The following CFAP20DC variants were observed in gnomAD, a reference collection of about 807,000 sequenced individuals.
The protein encoded by CFAP20DC is protein CFAP20DC.
A neutral mutation model predicts 101.7 loss-of-function variants in CFAP20DC; 84 were observed. That is an observed-to-expected ratio of 0.83 (90% CI 0.69 to 0.99). The LOEUF (loss-of-function observed/expected upper bound fraction) is 0.99, where lower values mean the gene tolerates loss of function less well. Ranked by LOEUF, CFAP20DC falls within the 50% of genes least tolerant of loss-of-function variation. The pLI is 0.00. For synonymous variants in CFAP20DC, 359 were observed against 351.2 expected (o/e 1.02, Z -0.25); for missense variants, 1,007 against 970.3 (o/e 1.04, Z -0.50).
chr3:58,999,539 A>G (rs1028936858), intron 4 of CFAP20DC, among the ~76,000 whole-genome samples: 6 of 152,158 alleles, frequency 3.9e-5, no homozygotes, highest in Non-Finnish European at 8.8e-5. Context: ...AACTAATACC[A>G]TAATGATGGT....
intron 7 of CFAP20DC, among the ~76,000 whole-genome samples, chr3:58,879,834 T>G (rs756601473): frequency 9.9e-5 from 15 of 152,104 alleles, no homozygotes; most frequent in Non-Finnish European, 1.9e-4. Context: ...TATCTCAAAA[T>G]TCATACTCAT....
At chr3:59,021,480 G>T (rs1490999419) in intron 4 of CFAP20DC, among the ~76,000 whole-genome samples, 1 of 151,978 alleles carries the variant, frequency 6.6e-6, no homozygotes, top group Non-Finnish European at 1.5e-5. Context: ...GGGTGTATCA[G>T]TCCATCTGCC....
intron 13 of CFAP20DC, among the ~76,000 whole-genome samples, chr3:58,841,732 A>G (rs540070256): frequency 1.2e-3 from 185 of 152,346 alleles, no homozygotes; most frequent in African/African-American, 4.3e-3. Flanking sequence ...TTCTTTTCCT[A>G]TTAAAAGTCA....
chr3:58,862,471 A>G, intron 12 of CFAP20DC: 1 of 985,448 alleles, frequency 1.0e-6, no homozygotes, highest in African/African-American at 1.7e-5. Flanking sequence ...GTTTGGTATG[A>G]CTAATTGTTT....
In CFAP20DC at chr3:58,864,330, G is replaced by T. The variant is rs916209712; in HGVS notation, c.1259-438C>A. On this transcript the variant is annotated intron_variant, in intron 11 of 16. Coordinates refer to ENST00000482387, the MANE Select transcript of CFAP20DC (RefSeq NM_001394063.1). The surrounding 1 kb of genome is among the most constrained non-coding windows in gnomAD (Gnocchi z 4.7). The stretch of plus-strand genomic sequence containing the variant: ...AAACAGATTTATCAAATAACGCAAA[G>T]CAAAGGAAGGCAATTTATAGACCAT... Among the ~76,000 whole-genome samples the T allele has an allele frequency of 2.6e-5, 4 of 152,202 alleles. No individual in the cohort carries two copies. The highest frequency in any genetic ancestry group is 9.6e-5 in the African/African-American group (4 of 41,456).
At chr3:58,749,717 T>A (rs1355842956) in intron 16 of CFAP20DC, among the ~76,000 whole-genome samples, 1 of 152,204 alleles carries the variant, frequency 6.6e-6, no homozygotes, top group Non-Finnish European at 1.5e-5. Context: ...GAGGTTATTA[T>A]TCCATTTTGG....
intron 15 of CFAP20DC, among the ~76,000 whole-genome samples, chr3:58,769,551 A>G (rs2070648930): frequency 6.6e-6 from 1 of 152,168 alleles, no homozygotes; most frequent in South Asian, 2.1e-4. Context: ...AAGATGGGAA[A>G]ATGGATGAGT....
chr3:58,738,185 TTTTTTAA>T (rs1357802458), downstream of CFAP20DC, among the ~76,000 whole-genome samples: 6 of 151,910 alleles, frequency 3.9e-5, no homozygotes, highest in East Asian at 5.8e-4. The surrounding 1 kb of genome is among the most constrained non-coding windows in gnomAD (Gnocchi z 4.4). Context: ...GCAATTCTTT[TTTTTTAA>T]TTTTTAAGTT....
chr3:58,949,801 C>T (rs2089874405), intron 4 of CFAP20DC, among the ~76,000 whole-genome samples: 1 of 152,124 alleles, frequency 6.6e-6, no homozygotes, highest in Non-Finnish European at 1.5e-5. Context: ...ATGACAAACC[C>T]ACAGCCAGTA....
chr3:58,948,167 G>A (rs1161969954), intron 4 of CFAP20DC, among the ~76,000 whole-genome samples: 1 of 152,240 alleles, frequency 6.6e-6, no homozygotes, highest in Admixed American at 6.5e-5. Flanking sequence ...GGACACTGGA[G>A]TGGACTGCCA....
intron 12 of CFAP20DC, among the ~76,000 whole-genome samples, chr3:58,851,515 A>G (rs2078230350): frequency 6.6e-6 from 1 of 152,146 alleles, no homozygotes; most frequent in Non-Finnish European, 1.5e-5. Flanking sequence ...AATGTAGTTG[A>G]GATTAGCAGA....
intron 15 of CFAP20DC, among the ~76,000 whole-genome samples, chr3:58,782,264 G>A (rs909602193): frequency 6.6e-6 from 1 of 151,744 alleles, no homozygotes; most frequent in African/African-American, 2.4e-5. Context: ...AACAAACTAG[G>A]CATAGAAATA....
chr3:58,754,671 A>G (rs1161176287), intron 15 of CFAP20DC, among the ~76,000 whole-genome samples: 1 of 152,150 alleles, frequency 6.6e-6, no homozygotes, highest in African/African-American at 2.4e-5. Context: ...GTATGTCTTT[A>G]TAACTAAATA....
chr3:59,018,844 T>C (rs1346140440), intron 4 of CFAP20DC: 1 of 152,112 alleles, frequency 6.6e-6, no homozygotes, highest in Non-Finnish European at 1.5e-5. Flanking sequence ...AACGTCTTTG[T>C]CCTTAGTAAA....
In CFAP20DC at chr3:58,863,417, A is replaced by T; in HGVS notation, c.1593+141T>A. The T allele has an allele frequency of 6.9e-7, 1 of 1,455,508 alleles. No homozygotes were observed. The highest frequency in any genetic ancestry group is 9.0e-7 in the Non-Finnish European group (1 of 1,109,268). 90.2% of individuals were successfully genotyped at this position (1,455,508 alleles called of 1,614,324 possible). On this transcript the variant is annotated intron_variant, in intron 12 of 16. Transcript: ENST00000482387. The surrounding 1 kb of genome is among the most constrained non-coding windows in gnomAD (Gnocchi z 5.9). ...AAAGTTACCATAACAACCTGATGCAACTGTGGACTGACATGGCAATCTGTT... is the reference window on the plus strand; with the variant it reads ...AAAGTTACCATAACAACCTGATGCATCTGTGGACTGACATGGCAATCTGTT...
chr3:58,743,622 C>T (rs1397598859), intron 16 of CFAP20DC, among the ~76,000 whole-genome samples: 1 of 152,176 alleles, frequency 6.6e-6, no homozygotes, highest in Non-Finnish European at 1.5e-5. Flanking sequence ...GGGTATGGTG[C>T]AGGGCTCACT....
chr3:58,855,405 C>G (rs1559714016), intron 12 of CFAP20DC, among the ~76,000 whole-genome samples: 1 of 152,114 alleles, frequency 6.6e-6, no homozygotes, highest in Admixed American at 6.5e-5. Flanking sequence ...TAAACTAGTT[C>G]AACCACTGTG....
intron 15 of CFAP20DC, among the ~76,000 whole-genome samples, chr3:58,769,936 A>T (rs1559565555): frequency 6.6e-6 from 1 of 152,188 alleles, no homozygotes; most frequent in African/African-American, 2.4e-5. Context: ...ATAAATCCAC[A>T]AAACAGAGAG....
In CFAP20DC at chr3:59,047,225, A is replaced by G; in HGVS notation, c.51T>C (p.Ala17=). The G allele has an allele frequency of 2.0e-6, 3 of 1,535,316 alleles. No homozygotes were observed. The highest frequency in any genetic ancestry group is 2.6e-6 in the Non-Finnish European group (3 of 1,146,278). ...ATTTTGCTCCAGGATTTTTTCCTTG[A>G]GCACTGAAAATTTCAACAAATGCAC... is the stretch of plus-strand genomic sequence containing the variant. The part of the protein sequence containing the change: ...QGGAFVEIFS[A]QGKNPGAKWK... The change falls in exon 2 of 17, where the codon GCT becomes GCC. Residue 17 remains alanine, a synonymous_variant. Coordinates refer to ENST00000482387, the MANE Select transcript of CFAP20DC (RefSeq NM_001394063.1).
Sources: allele counts gnomAD v4.1 joint callset (sites outside exome capture counted in the v4.1 genomes callset), GRCh38; gene constraint gnomAD v4.1.1; non-coding constraint Gnocchi (gnomAD v3.1); transcripts MANE v1.5; gene names NCBI Gene and HGNC (gene_info 2026-07-23, HGNC 2026-07-21).